The following SGMS1 variants were observed in gnomAD, a reference collection of about 807,000 sequenced individuals.
SGMS1 encodes the protein phosphatidylcholine:ceramide cholinephosphotransferase 1.
Under a neutral mutation model 46.2 loss-of-function variants are expected in SGMS1, and 13 were observed. That is an observed-to-expected ratio of 0.28 (90% CI 0.18 to 0.45). The LOEUF (loss-of-function observed/expected upper bound fraction) is 0.45. Among genes scored for constraint, SGMS1 ranks in the 20% least tolerant of loss-of-function variants. The probability of loss-of-function intolerance (pLI) is 1.00; values close to 1 mark genes in which losing one functional copy is unlikely to be tolerated. For synonymous variants in SGMS1, 203 were observed against 187.8 expected (o/e 1.08, Z -0.66); for missense variants, 324 against 519.9 (o/e 0.62, Z 3.66).
chr10:50,616,104 A>C (rs1293484321), intron 1 of SGMS1, among the ~76,000 whole-genome samples: 1 of 152,110 alleles, frequency 6.6e-6, no homozygotes, highest in Non-Finnish European at 1.5e-5. Flanking sequence ...AAAAGTATTA[A>C]GTTTATGAGA....
At chr10:50,311,194 TACCAGAGG>T in intron 9 of SGMS1, 60 bp downstream of exon 9, 2 of 1,557,582 alleles carry the variant, frequency 1.3e-6, no homozygotes, top group Non-Finnish European at 1.7e-6. Flanking sequence ...AAATGAGCTT[TACCAGAGG>T]ACCAGAGTTC....
chr10:50,405,056 G>A (rs1364742223), intron 6 of SGMS1, among the ~76,000 whole-genome samples: 1 of 151,778 alleles, frequency 6.6e-6, no homozygotes, highest in Non-Finnish European at 1.5e-5. Flanking sequence ...TTTTTTCCTG[G>A]AACAAATCAC....
At chr10:50,543,753 A>G (rs969588530) in intron 2 of SGMS1, among the ~76,000 whole-genome samples, 3 of 152,230 alleles carry the variant, frequency 2.0e-5, no homozygotes, top group African/African-American at 4.8e-5. Flanking sequence ...ATTTGGCCCA[A>G]TGACCATTCT....
intron 7 of SGMS1, among the ~76,000 whole-genome samples, chr10:50,327,731 A>C (rs1447328232): frequency 6.6e-6 from 1 of 152,244 alleles, no homozygotes; most frequent in Non-Finnish European, 1.5e-5. Flanking sequence ...ATGATATTAG[A>C]ATGAGAATTT....
At position 50,534,670 on chromosome 10, in the gene SGMS1, T is replaced by C. The variant is rs182441299; in HGVS notation, c.-588-14749A>G. On this transcript the variant is annotated intron_variant, in intron 2 of 10. Transcript: ENST00000361781. ...TTACAAAACTGAGATATTCACATAG[T>C]TGAATAGTATGCAGCCATTAAAAAT... Among the ~76,000 whole-genome samples the C allele has an allele frequency of 9.7e-4, 148 of 152,352 alleles. 1 individual carries two copies. In the East Asian group the frequency reaches 0.023, roughly 24 times the overall value.
At chr10:50,337,390 T>G (rs1350153106) in intron 7 of SGMS1, among the ~76,000 whole-genome samples, 1 of 152,146 alleles carries the variant, frequency 6.6e-6, no homozygotes, top group Non-Finnish European at 1.5e-5. Context: ...GAAATGACCT[T>G]AAGAAAAGGT....
intron 2 of SGMS1, among the ~76,000 whole-genome samples, chr10:50,579,225 A>G: frequency 6.6e-6 from 1 of 152,182 alleles, no homozygotes; most frequent in South Asian, 2.1e-4. Context: ...TAAACGTAGG[A>G]AATATCCTAA....
chr10:50,341,886 T>C (rs1188708990), intron 7 of SGMS1, among the ~76,000 whole-genome samples: 1 of 152,218 alleles, frequency 6.6e-6, no homozygotes, highest in Non-Finnish European at 1.5e-5. Flanking sequence ...ATTAGTTTTA[T>C]GGTTAAGAGG....
chr10:50,327,990 G>A, intron 7 of SGMS1: 3 of 334,912 alleles, frequency 9.0e-6, no homozygotes, highest in South Asian at 4.8e-5. Context: ...CTACCATATA[G>A]TAGGTACAAA....
At chr10:50,479,353 C>G (rs1161116969) in intron 3 of SGMS1, among the ~76,000 whole-genome samples, 1 of 152,086 alleles carries the variant, frequency 6.6e-6, no homozygotes. Context: ...ACTCACTGCC[C>G]TAATGTCCTA....
At chr10:50,394,205 T>A (rs1589421710) in intron 6 of SGMS1, among the ~76,000 whole-genome samples, 1 of 152,362 alleles carries the variant, frequency 6.6e-6, no homozygotes, top group Middle Eastern at 3.4e-3. Context: ...CAGGAATCCC[T>A]GAGCCAAATG....
intron 1 of SGMS1, among the ~76,000 whole-genome samples, chr10:50,592,323 G>A (rs1838549383): frequency 6.6e-6 from 1 of 152,236 alleles, no homozygotes; most frequent in Admixed American, 6.5e-5. Flanking sequence ...TTATGGATTA[G>A]AATGTAATCG....
chr10:50,396,256 TCTC>T (rs1044913844), intron 6 of SGMS1, among the ~76,000 whole-genome samples: 1 of 152,112 alleles, frequency 6.6e-6, no homozygotes, highest in Non-Finnish European at 1.5e-5. Context: ...GACTACCTCT[TCTC>T]CTCTCTTTAC....
intron 3 of SGMS1, among the ~76,000 whole-genome samples, chr10:50,515,490 A>C (rs1354322453): frequency 6.6e-6 from 1 of 152,254 alleles, no homozygotes; most frequent in Non-Finnish European, 1.5e-5. Context: ...TCAAAGGGCC[A>C]GTTACTGCTT....
intron 4 of SGMS1, among the ~76,000 whole-genome samples, chr10:50,462,008 A>G (rs1380498330): frequency 6.6e-6 from 1 of 152,218 alleles, no homozygotes; most frequent in Non-Finnish European, 1.5e-5. Context: ...TTAGCTTAAA[A>G]GTATTCAATT....
At chr10:50,602,687 C>T (rs993540015) in intron 1 of SGMS1, among the ~76,000 whole-genome samples, 40 of 152,172 alleles carry the variant, frequency 2.6e-4, no homozygotes, top group African/African-American at 9.2e-4. Context: ...AAAGCAAACA[C>T]ATCAAAAAGT....
At chr10:50,615,039 A>C (rs1264041857) in intron 1 of SGMS1, among the ~76,000 whole-genome samples, 1 of 152,164 alleles carries the variant, frequency 6.6e-6, no homozygotes, top group Non-Finnish European at 1.5e-5. Flanking sequence ...AGCAAAATAA[A>C]ATTCGCTTCC....
chr10:50,593,556 A>G (rs1275102635), intron 1 of SGMS1, among the ~76,000 whole-genome samples: 3 of 151,694 alleles, frequency 2.0e-5, no homozygotes, highest in African/African-American at 7.3e-5. Context: ...ATGTCTCCCA[A>G]TCATCCTTCA....
In SGMS1 at chr10:50,427,856, G is replaced by A. The variant is rs535141064; in HGVS notation, c.-232+5620C>T. Among the ~76,000 whole-genome samples the A allele has an allele frequency of 3.9e-5, 6 of 152,222 alleles. No individual in the cohort carries two copies. The South Asian group carries it at 1.0e-3, about 26-fold the overall frequency. ...CATTTATAGAATTCAAACCTTATTT[G>A]AATTGTTAAATTCTGATGAAGGTTG... On this transcript the variant is annotated intron_variant, in intron 6 of 10. Coordinates refer to ENST00000361781, the MANE Select transcript of SGMS1 (RefSeq NM_147156.4).
Sources: gnomAD v4.1 joint callset for allele counts (sites outside exome capture counted in the v4.1 genomes callset) on GRCh38, gnomAD v4.1.1 for gene constraint, MANE v1.5 for transcripts, NCBI Gene and HGNC (gene_info 2026-07-23, HGNC 2026-07-21) for gene names.